Variants in RAP1GAP2 observed in about 807,000 individuals in gnomAD.
RAP1GAP2 encodes the protein RAP1 GTPase activating protein 2, also known as rap1 GTPase-activating protein 2.
In RAP1GAP2, 27 loss-of-function variants were observed where a neutral mutation model predicts 95.0. The ratio of observed to expected loss-of-function variants is 0.28; its 90% confidence interval spans 0.21 to 0.39. The LOEUF is 0.39. RAP1GAP2 is among the 10% of genes least tolerant of loss of function. The pLI is 1.00. For synonymous variants in RAP1GAP2, 373 were observed against 380.9 expected, an observed-to-expected ratio of 0.98 and a Z score of 0.24; for missense variants, 771 against 970.0, an observed-to-expected ratio of 0.79 and a Z score of 2.72.
At chr17:2,893,496 C>T (rs2073785887) in intron 2 of RAP1GAP2, among the ~76,000 whole-genome samples, 1 of 152,210 alleles carries the variant, frequency 6.6e-6, no homozygotes, top group African/African-American at 2.4e-5. Flanking sequence ...ACTGCTGAAA[C>T]ATGATTTTTT....
intron 3 of RAP1GAP2, among the ~76,000 whole-genome samples, chr17:2,929,831 C>T (rs2043085465): frequency 1.3e-5 from 2 of 152,178 alleles, no homozygotes; most frequent in Admixed American, 1.3e-4. Context: ...GGGTGCGTGC[C>T]CAGCCTGAGG....
rs1485632329 is a variant in RAP1GAP2, at chr17:2,902,889, CAT to C, written c.81-2392_81-2391del. 6.6e-6 allele frequency among the ~76,000 whole-genome samples: 1 copy of C among 152,176 alleles called. No individual in the cohort carries two copies. Among genetic ancestry groups the C allele is most frequent in the African/African-American group, 2.4e-5 (1 of 41,446 alleles). ...GGGACTCAGGGCCTTGAACAATAATCATATGTGCCCTGGTGCCATGAGCGTGG... is the reference window on the plus strand; with the variant it reads ...GGGACTCAGGGCCTTGAACAATAATCATGTGCCCTGGTGCCATGAGCGTGG... On this transcript the variant is annotated intron_variant, in intron 2 of 24. Transcript: ENST00000254695. This position sits in a 1 kb window ranked among gnomAD's most constrained non-coding sequence, Gnocchi z 4.1.
At chr17:3,020,669 A>G (rs1238684553) in intron 19 of RAP1GAP2, 74 bp downstream of exon 19, 5 of 1,346,398 alleles carry the variant, frequency 3.7e-6, no homozygotes, top group Non-Finnish European at 5.2e-6. Flanking sequence ...ACAGCTGTTC[A>G]GTGCCCTACC....
intron 8 of RAP1GAP2, among the ~76,000 whole-genome samples, chr17:2,969,078 T>G (rs576433881): frequency 6.6e-6 from 1 of 152,192 alleles, no homozygotes; most frequent in East Asian, 1.9e-4. Flanking sequence ...ATGGTAGATT[T>G]TTAACACACA....
At chr17:2,905,259 C>T (rs973421363) in intron 2 of RAP1GAP2, 25 bp from the exon 3 acceptor site, 3 of 1,610,304 alleles carry the variant, frequency 1.9e-6, no homozygotes, top group Admixed American at 1.7e-5. Flanking sequence ...CAGGTCCTCA[C>T]TCACCTCTTT....
intron 2 of RAP1GAP2, among the ~76,000 whole-genome samples, chr17:2,815,240 C>G (rs143532057): frequency 6.6e-6 from 1 of 152,102 alleles, no homozygotes; most frequent in Non-Finnish European, 1.5e-5. Flanking sequence ...CACTTTCCCC[C>G]ACAGTGCGGC....
At chr17:2,885,299 T>G (rs1474098411) in intron 2 of RAP1GAP2, among the ~76,000 whole-genome samples, 1 of 152,200 alleles carries the variant, frequency 6.6e-6, no homozygotes, top group Non-Finnish European at 1.5e-5. Context: ...CCCAAAGTGC[T>G]GGGATTACAG....
chr17:2,889,974 T>C (rs1377324921), intron 2 of RAP1GAP2, among the ~76,000 whole-genome samples: 11 of 149,148 alleles, frequency 7.4e-5, no homozygotes, highest in African/African-American at 2.7e-4. Context: ...TCCGCCCGCT[T>C]TGGCCTCCCA....
intron 2 of RAP1GAP2, among the ~76,000 whole-genome samples, chr17:2,807,641 C>T (rs2069575897): frequency 1.3e-5 from 2 of 152,102 alleles, no homozygotes; most frequent in Admixed American, 6.5e-5. Flanking sequence ...CCAGGTAGCC[C>T]GACCCTCACG....
intron 8 of RAP1GAP2, among the ~76,000 whole-genome samples, chr17:2,970,273 CAAA>C (rs869121536): frequency 8.2e-5 from 9 of 109,578 alleles, no homozygotes; most frequent in African/African-American, 1.8e-4. Context: ...GACTCTGTCT[CAAA>C]AAAAAAAAAA....
intron 9 of RAP1GAP2, 93 bp from the exon 10 acceptor site, chr17:2,981,102 G>T (rs1432642435): frequency 1.7e-6 from 2 of 1,204,806 alleles, no homozygotes; most frequent in Admixed American, 2.0e-5. Context: ...CATGTGCCTC[G>T]CCCTCCCATG....
In RAP1GAP2 at chr17:3,026,483, C is replaced by T. The variant is rs2047122075; in HGVS notation, c.1980+19C>T. ...CAGTGGGGTAGGTGTGCCCCGTCCA[C>T]CCTTGGGCAGGCACTCTGGGGCGTC... On this transcript the variant is annotated intron_variant, in intron 21 of 24. Coordinates refer to ENST00000254695, the MANE Select transcript of RAP1GAP2 (RefSeq NM_015085.5). 2.0e-6 allele frequency: 3 copies of T among 1,525,756 alleles called. No individual in the cohort carries two copies. The highest frequency in any genetic ancestry group is 2.0e-5 in the Admixed American group (1 of 48,932). The allele number at this position is 1,525,756 out of a possible 1,614,324, so 94.5% of individuals were successfully genotyped here.
intron 2 of RAP1GAP2, among the ~76,000 whole-genome samples, chr17:2,815,737 C>T (rs575575726): frequency 1.3e-5 from 2 of 152,292 alleles, no homozygotes; most frequent in East Asian, 3.9e-4. Context: ...CCACCTTGGC[C>T]TCCCAAAGTG....
At chr17:2,891,250 C>T (rs184385822) in intron 2 of RAP1GAP2, among the ~76,000 whole-genome samples, 21 of 151,932 alleles carry the variant, frequency 1.4e-4, no homozygotes, top group South Asian at 2.1e-4. Context: ...AGGGTTCAAG[C>T]GATCCCCCTA....
At chr17:2,991,867 C>T (rs1359919899) in intron 12 of RAP1GAP2, among the ~76,000 whole-genome samples, 5 of 152,100 alleles carry the variant, frequency 3.3e-5, no homozygotes, top group Admixed American at 1.3e-4. Flanking sequence ...CAGGTTCAGG[C>T]GATTCTCCTG....
intron 3 of RAP1GAP2, among the ~76,000 whole-genome samples, chr17:2,953,924 T>C (rs1362259225): frequency 6.6e-6 from 1 of 152,214 alleles, no homozygotes; most frequent in African/African-American, 2.4e-5. Context: ...ACCACCATCA[T>C]AATCAGTTTT....
intron 1 of RAP1GAP2, among the ~76,000 whole-genome samples, chr17:2,787,116 A>G (rs946705711): frequency 2.0e-5 from 3 of 151,090 alleles, no homozygotes; most frequent in African/African-American, 7.3e-5. Context: ...ATACCTGGCT[A>G]GTTTTGTAGT....
At chr17:2,921,610 G>C (rs1206934502) in intron 3 of RAP1GAP2, among the ~76,000 whole-genome samples, 2 of 151,908 alleles carry the variant, frequency 1.3e-5, no homozygotes, top group Non-Finnish European at 2.9e-5. Flanking sequence ...GGGTCGTTAA[G>C]GTGTCAGCAG....
intron 8 of RAP1GAP2, among the ~76,000 whole-genome samples, chr17:2,979,697 C>G (rs1000381002): frequency 4.7e-5 from 7 of 147,380 alleles, no homozygotes; most frequent in Non-Finnish European, 1.1e-4. Flanking sequence ...GAACTCCTGA[C>G]CTCGTGATCC....
Sources: allele counts gnomAD v4.1 joint callset (sites outside exome capture counted in the v4.1 genomes callset), GRCh38; gene constraint gnomAD v4.1.1; non-coding constraint Gnocchi (gnomAD v3.1); transcripts MANE v1.5; gene names NCBI Gene and HGNC (gene_info 2026-07-23, HGNC 2026-07-21).